TMEM232: variants seen among roughly 807,000 people sequenced by gnomAD.
The protein encoded by TMEM232 is transmembrane protein 232.
Under a neutral mutation model 78.8 loss-of-function variants are expected in TMEM232, and 80 were observed. The ratio of observed to expected loss-of-function variants is 1.01; its 90% CI spans 0.85 to 1.22. The LOEUF is 1.22. Ranked by LOEUF, TMEM232 falls within the 50% of genes most tolerant of loss-of-function variation. The probability of loss-of-function intolerance (pLI) is 0.00; values close to 1 mark genes in which losing one functional copy is unlikely to be tolerated. For synonymous variants in TMEM232, 297 were observed against 254.3 expected, an observed-to-expected ratio of 1.17 and a Z score of -1.60; for missense variants, 881 against 742.2, an observed-to-expected ratio of 1.19 and a Z score of -2.17.
chr5:110,646,597 A>G (rs1185091617), intron 2 of TMEM232, among the ~76,000 whole-genome samples: 2 of 151,796 alleles, frequency 1.3e-5, no homozygotes, highest in Admixed American at 1.3e-4. Flanking sequence ...CTGTAAAACT[A>G]CTAAAAGAAT....
At chr5:110,688,406 T>C (rs1056100351) in intron 1 of TMEM232, among the ~76,000 whole-genome samples, 2 of 152,124 alleles carry the variant, frequency 1.3e-5, no homozygotes, top group Non-Finnish European at 2.9e-5. Context: ...CTTGGGATTG[T>C]GGAGAGAGAG....
intron 1 of TMEM232, among the ~76,000 whole-genome samples, chr5:110,696,308 T>C (rs1794773916): frequency 1.3e-5 from 2 of 152,278 alleles, no homozygotes; most frequent in East Asian, 3.9e-4. Flanking sequence ...TATCTCAAAA[T>C]AATAAGAGCT....
chr5:110,401,875 C>A (rs1755614232), intron 2 of TMEM232, among the ~76,000 whole-genome samples: 1 of 151,988 alleles, frequency 6.6e-6, no homozygotes, highest in African/African-American at 2.4e-5. Flanking sequence ...GGTGATTGTC[C>A]AGAGCTGAGG....
rs200913915 is a variant in TMEM232 at position 110,628,211 on chromosome 5, TAAATA to T, written c.502-336_502-332del. Among the ~76,000 whole-genome samples the T allele has an allele frequency of 1.0e-2, 1,517 of 152,182 alleles. 32 individuals are homozygous for T. The highest frequency in any genetic ancestry group is 0.034 in the African/African-American group (1,416 of 41,520). On this transcript the variant is annotated intron_variant, in intron 5 of 13. Transcript: ENST00000455884. Reference sequence around the variant, plus strand: ...ATGAAATCAATTGAGAGGAGATTTTTAAATAAAATAAAAGAGAAGAAAAAATATAT... The same window carrying T: ...ATGAAATCAATTGAGAGGAGATTTTTAAATAAAAGAGAAGAAAAAATATAT...
intron 12 of TMEM232, among the ~76,000 whole-genome samples, chr5:110,507,945 C>G (rs1355233075): frequency 6.6e-6 from 1 of 152,128 alleles, no homozygotes; most frequent in African/African-American, 2.4e-5. Flanking sequence ...ATTTACTTAT[C>G]ACAAGCTCTC....
chr5:110,528,455 G>T (rs1581092714), intron 12 of TMEM232, 133 bp downstream of exon 12: 2 of 792,566 alleles, frequency 2.5e-6, no homozygotes, highest in South Asian at 5.2e-5. Context: ...GATCATCTAA[G>T]AGGTGATCAA....
Position 110,420,654 on chromosome 5 carries a change from T to C in TMEM232, c.1900A>G (p.Met634Val). ...LAEKNHFQEVMKKREEKLHKQ... is the reference protein window; with the variant it reads ...LAEKNHFQEVVKKREEKLHKQ... ...TGTAGTTTCTCTTCTCTTTTCTTCA[T>C]AACTTCTTGAAAGTGATTTTTCTCT... The change falls in exon 14 of 14, where the codon ATG (methionine) becomes GTG (valine). Residue 634 changes from methionine to valine, a missense_variant. By Grantham distance (21) the Met-to-Val change is conservative (BLOSUM62 1). Transcript: ENST00000455884. The C allele has an allele frequency of 1.3e-6, 2 of 1,526,746 alleles. No individual in the cohort carries two copies. The highest frequency in any genetic ancestry group is 1.7e-6 in the Non-Finnish European group (2 of 1,144,010). The allele number at this position is 1,526,746 out of a possible 1,614,324, so 94.6% of individuals were successfully genotyped here. A position where few individuals can be genotyped will look rare whatever the true frequency, so the allele number is the denominator to read the frequency against.
At chr5:110,463,434 C>G (rs945001002) in intron 12 of TMEM232, among the ~76,000 whole-genome samples, 1 of 152,128 alleles carries the variant, frequency 6.6e-6, no homozygotes, top group African/African-American at 2.4e-5. Context: ...GTGTAACTCA[C>G]TTTATTGTGA....
intron 12 of TMEM232, among the ~76,000 whole-genome samples, chr5:110,461,313 T>G (rs1393966467): frequency 6.6e-6 from 1 of 151,874 alleles, no homozygotes; most frequent in Non-Finnish European, 1.5e-5. Context: ...ATGGTCTGGA[T>G]AGAGGATGAA....
At chr5:110,420,803 T>C (rs1289091397) in intron 13 of TMEM232, 47 bp from the exon 14 acceptor site, 67 of 1,483,192 alleles carry the variant, frequency 4.5e-5, no homozygotes, top group Non-Finnish European at 5.7e-5. Flanking sequence ...CATGAAAAAA[T>C]GCATATCAGT....
chr5:110,591,458 T>C (rs1779519862), intron 10 of TMEM232, among the ~76,000 whole-genome samples: 1 of 152,184 alleles, frequency 6.6e-6, no homozygotes, highest in South Asian at 2.1e-4. Context: ...ATAATGTATA[T>C]AGGAATAAGC....
intron 12 of TMEM232, among the ~76,000 whole-genome samples, chr5:110,463,763 T>C (rs748343231): frequency 8.5e-5 from 13 of 152,162 alleles, no homozygotes; most frequent in Non-Finnish European, 1.2e-4. Context: ...TTCAAAACAG[T>C]CTTCTCTAAT....
At chr5:110,591,594 T>A (rs1186790582) in intron 10 of TMEM232, among the ~76,000 whole-genome samples, 1 of 152,192 alleles carries the variant, frequency 6.6e-6, no homozygotes, top group Non-Finnish European at 1.5e-5. Flanking sequence ...ATGCCAAGCG[T>A]CTGTATGTTT....
chr5:110,395,835 G>C (rs1419892354), intron 3 of TMEM232, among the ~76,000 whole-genome samples: 8 of 152,114 alleles, frequency 5.3e-5, no homozygotes, highest in African/African-American at 1.9e-4. Flanking sequence ...TTTAAAGGGA[G>C]GGAGCACACT....
At chr5:110,533,189 A>G (rs1311397062) in intron 11 of TMEM232, among the ~76,000 whole-genome samples, 2 of 152,144 alleles carry the variant, frequency 1.3e-5, no homozygotes, top group Non-Finnish European at 2.9e-5. Flanking sequence ...CAGATTACCT[A>G]GGCTGTACTG....
At chr5:110,391,565 C>G (rs944751539) in intron 3 of TMEM232, among the ~76,000 whole-genome samples, 1 of 151,766 alleles carries the variant, frequency 6.6e-6, no homozygotes, top group Non-Finnish European at 1.5e-5. Context: ...ATATAGCATG[C>G]TGAAGTAAGA....
At chr5:110,527,100 G>A (rs914574602) in intron 12 of TMEM232, among the ~76,000 whole-genome samples, 3 of 151,912 alleles carry the variant, frequency 2.0e-5, no homozygotes, top group African/African-American at 7.2e-5. Flanking sequence ...AGGGAGGGAT[G>A]GGGGGTAAAT....
At position 110,557,178 on chromosome 5, in the gene TMEM232, G is replaced by A. The variant is rs143890336; in HGVS notation, c.1455+11269C>T. Among the ~76,000 whole-genome samples, 30 of 152,130 alleles carry A rather than the reference G, an allele frequency of 2.0e-4. No homozygotes were observed. The East Asian group carries it at 5.8e-3, about 30-fold the overall frequency. On this transcript the variant is annotated intron_variant, in intron 11 of 13. Transcript: ENST00000455884. ...GATCTGTTTTGCTGTTAATATTTCT[G>A]ATTATGTTATGAAATTTTTCTAGTG... is the stretch of plus-strand genomic sequence containing the variant.
intron 7 of TMEM232, among the ~76,000 whole-genome samples, chr5:110,619,493 T>TG (rs1389114440): frequency 6.6e-6 from 1 of 152,160 alleles, no homozygotes; most frequent in Admixed American, 6.6e-5. Context: ...GATAAAGACA[T>TG]GAGGAAGACA....
Sources: allele counts gnomAD v4.1 joint callset (sites outside exome capture counted in the v4.1 genomes callset), GRCh38; gene constraint gnomAD v4.1.1; transcripts MANE v1.5; gene names NCBI Gene and HGNC (gene_info 2026-07-23, HGNC 2026-07-21).